The following HFM1 variants were observed in gnomAD, a reference collection of about 807,000 sequenced individuals.
HFM1 encodes probable ATP-dependent DNA helicase HFM1.
HFM1 carries 169 observed loss-of-function variants against 192.1 expected under a neutral mutation model. The ratio of observed to expected loss-of-function variants is 0.88; its 90% CI spans 0.78 to 1.00. The LOEUF is 1.00. HFM1 is among the 50% of genes least tolerant of loss of function. The probability of loss-of-function intolerance (pLI) is 0.00; values close to 1 mark genes in which losing one functional copy is unlikely to be tolerated. For missense variants in HFM1, 1,661 were observed against 1,668.0 expected, an observed-to-expected ratio of 1.00 and a Z score of 0.07; for synonymous variants, 525 against 537.8, an observed-to-expected ratio of 0.98 and a Z score of 0.33.
At chr1:91,295,874 T>A (rs965584299) in intron 30 of HFM1, among the ~76,000 whole-genome samples, 2 of 152,184 alleles carry the variant, frequency 1.3e-5, no homozygotes, top group African/African-American at 4.8e-5. Flanking sequence ...TTTAAATCAG[T>A]CATCTATTTG....
chr1:91,330,995 A>C (rs1196150117), intron 20 of HFM1, among the ~76,000 whole-genome samples: 1 of 152,210 alleles, frequency 6.6e-6, no homozygotes, highest in East Asian at 1.9e-4. Context: ...TAATAAAGCC[A>C]TATATCATGA....
At chr1:91,297,279 A>C (rs1389129981) in intron 30 of HFM1, among the ~76,000 whole-genome samples, 3 of 152,202 alleles carry the variant, frequency 2.0e-5, no homozygotes, top group Non-Finnish European at 4.4e-5. Context: ...TGAGTAGGTA[A>C]ACAAAGCAGC....
intron 36 of HFM1, among the ~76,000 whole-genome samples, chr1:91,264,361 A>ATTTTTTGTTTTTTTTTTTTT (rs1665485175): frequency 1.8e-5 from 1 of 57,058 alleles, no homozygotes; most frequent in African/African-American, 7.9e-5. Flanking sequence ...CAAATTTAGT[A>ATTTTTTGTTTTTTTTTTTTT]TTTTTTTTTT....
In HFM1 at chr1:91,319,131, C is replaced by G. The variant is rs745730719; in HGVS notation, c.2759G>C (p.Arg920Thr). The change falls in exon 25 of 39, where the codon AGG becomes ACG. Residue 920 changes from arginine (R) to threonine (T), a missense_variant. By Grantham distance (71) the Arg-to-Thr change is moderately conservative. Coordinates refer to ENST00000370425, the MANE Select transcript of HFM1 (RefSeq NM_001017975.6). The part of the protein sequence containing the change: ...LNSLILAKCF[R>T]CKLWENSLHV... The stretch of plus-strand genomic sequence containing the variant: ...CAGAGAGTTTTCCCAAAGTTTACAC[C>G]TAAAACATTTAGCTAAAATCAAACT... 6.2e-7 allele frequency: 1 copy of G among 1,610,924 alleles called. No homozygotes were observed. The highest frequency in any genetic ancestry group is 1.1e-5 in the South Asian group (1 of 90,066).
chr1:91,369,291 T>A (rs547843917), intron 13 of HFM1, among the ~76,000 whole-genome samples: 1 of 152,138 alleles, frequency 6.6e-6, no homozygotes, highest in East Asian at 1.9e-4. Context: ...ATAAACAGAA[T>A]ATACATTCTT....
chr1:91,316,066 G>C (rs781592844), intron 27 of HFM1, 35 bp downstream of exon 27: 1 of 1,492,806 alleles, frequency 6.7e-7, no homozygotes, highest in Non-Finnish European at 9.3e-7. Flanking sequence ...TTTCTGAAAA[G>C]ACAATAAAAT....
chr1:91,404,576 C>T (rs549574963), intron 1 of HFM1: 1 of 260,000 alleles, frequency 3.8e-6, no homozygotes, highest in African/African-American at 2.4e-5. Flanking sequence ...CGCCGCAGGC[C>T]TCACCGCTTT....
At chr1:91,404,906 A>C (rs1297601879), upstream of HFM1, 1 of 454,278 alleles carries the variant, frequency 2.2e-6, no homozygotes, top group East Asian at 7.0e-5. Context: ...CCAAGCCCCC[A>C]ACCTCTCCCT....
chr1:91,313,528 A>G, intron 29 of HFM1, 33 bp from the exon 30 acceptor site: 1 of 1,476,178 alleles, frequency 6.8e-7, no homozygotes, highest in South Asian at 1.4e-5. Context: ...ACAAATGTTT[A>G]TTTGTCATAT....
rs1651142291 is a variant in HFM1 at position 91,315,975 on chromosome 1, T to G, written c.2983-3A>C. The G allele has an allele frequency of 6.3e-7, 1 of 1,576,724 alleles. No individual in the cohort carries two copies. The highest frequency in any genetic ancestry group is 8.7e-7 in the Non-Finnish European group (1 of 1,150,460). ...GTCGTATCACTATATCTTGTAATCT[T>G]TAAAAAAGGACAAGTATAAAAAGTG... is the stretch of plus-strand genomic sequence containing the variant. On this transcript the variant is annotated splice_polypyrimidine_tract_variant and splice_region_variant and intron_variant, in intron 27 of 38. Transcript: ENST00000370425.
At chr1:91,370,446 C>G (rs1354845502) in intron 13 of HFM1, among the ~76,000 whole-genome samples, 1 of 152,190 alleles carries the variant, frequency 6.6e-6, no homozygotes, top group Admixed American at 6.5e-5. Flanking sequence ...ACACGAAAAT[C>G]AATACACGTA....
chr1:91,328,395 C>T, intron 20 of HFM1: 2 of 1,588,342 alleles, frequency 1.3e-6, no homozygotes, highest in South Asian at 1.2e-5. Flanking sequence ...GTATTCAAGG[C>T]CTGGCCAAAC....
chr1:91,407,903 G>T (rs1664859880), upstream of HFM1, among the ~76,000 whole-genome samples: 1 of 152,166 alleles, frequency 6.6e-6, no homozygotes, highest in African/African-American at 2.4e-5. Flanking sequence ...ACCCTGATTA[G>T]TCAGTAGAAA....
At chr1:91,324,865 T>G in intron 20 of HFM1, 99 bp from the exon 21 acceptor site, 1 of 715,022 alleles carries the variant, frequency 1.4e-6, no homozygotes, top group South Asian at 1.6e-5. Context: ...AGAAGCAAGA[T>G]GGTAGAACAG....
At chr1:91,354,506 C>T (rs192030038) in intron 13 of HFM1, among the ~76,000 whole-genome samples, 63 of 152,102 alleles carry the variant, frequency 4.1e-4, no homozygotes, top group Admixed American at 1.8e-3. Flanking sequence ...TCACCAAACA[C>T]GTTCAAACCC....
chr1:91,374,552 T>C (rs1473844635), intron 13 of HFM1, among the ~76,000 whole-genome samples: 1 of 152,142 alleles, frequency 6.6e-6, no homozygotes, highest in Non-Finnish European at 1.5e-5. Context: ...CAGGACTTCG[T>C]AATTGATTGT....
rs1427724407 is a variant in HFM1 at position 91,313,400 on chromosome 1, T to A, written c.3340A>T (p.Ile1114Phe). ...ATGTCTGAATGTTTAGAATGGGAAA[T>A]CTGTGTTTCAGATTTTCTTTGCATA... ...ITMQRKSETQ[I>F]SHSKHSDIST... The change falls in exon 30 of 39, where the codon ATT becomes TTT. Residue 1114 changes from isoleucine to phenylalanine, a missense_variant. Ile to Phe is a conservative substitution (Grantham distance 21). Coordinates refer to ENST00000370425, the MANE Select transcript of HFM1 (RefSeq NM_001017975.6). 6.3e-7 allele frequency: 1 copy of A among 1,598,166 alleles called. No homozygotes were observed. The highest frequency in any genetic ancestry group is 8.6e-7 in the Non-Finnish European group (1 of 1,168,392).
At chr1:91,341,561 G>A (rs1655342360) in intron 20 of HFM1, among the ~76,000 whole-genome samples, 2 of 152,210 alleles carry the variant, frequency 1.3e-5, no homozygotes, top group African/African-American at 2.4e-5. Context: ...CCCAAAGCTG[G>A]CAGAGGAATA....
At chr1:91,386,874 T>C (rs282024) in intron 4 of HFM1, among the ~76,000 whole-genome samples, 152,119 of 152,304 alleles carry the variant, frequency 1, 75,967 homozygotes, top group Non-Finnish European at 1. Context: ...CAAATCAGCA[T>C]TGTGTATCCC....
Sources: gnomAD v4.1 joint callset for allele counts (sites outside exome capture counted in the v4.1 genomes callset) on GRCh38, gnomAD v4.1.1 for gene constraint, MANE v1.5 for transcripts, NCBI Gene and HGNC (gene_info 2026-07-23, HGNC 2026-07-21) for gene names.